Variants in STK32B observed in about 807,000 individuals in gnomAD.
STK32B encodes the protein serine/threonine-protein kinase 32B.
Under a neutral mutation model 52.6 loss-of-function variants are expected in STK32B, and 43 were observed. That is an observed-to-expected ratio of 0.82 (90% CI 0.64 to 1.05). STK32B has a LOEUF of 1.05. Ranked by LOEUF, STK32B falls within the 50% of genes least tolerant of loss-of-function variation. The pLI is 0.00. For synonymous variants in STK32B, 238 were observed against 204.3 expected (o/e 1.17, Z -1.41); for missense variants, 621 against 534.6 (o/e 1.16, Z -1.59).
In STK32B at chr4:5,398,824, T is replaced by C. The variant is rs540704166; in HGVS notation, c.472+580T>C. 1.2e-4 allele frequency among the ~76,000 whole-genome samples: 18 copies of C among 152,360 alleles called. No homozygotes were observed. Among genetic ancestry groups the C allele is most frequent in the Non-Finnish European group, 2.5e-4 (17 of 68,040 alleles). On this transcript the variant is annotated intron_variant, in intron 5 of 11. Coordinates refer to ENST00000282908, the MANE Select transcript of STK32B (RefSeq NM_018401.3). The surrounding 1 kb of genome is among the most constrained non-coding windows in gnomAD (Gnocchi z 4.9). ...GTAAGTCTGAGATGGGACTAGACTCTGCAAAGTCCAGAGTCTGCAAAGCTC... is the reference window on the plus strand; with the variant it reads ...GTAAGTCTGAGATGGGACTAGACTCCGCAAAGTCCAGAGTCTGCAAAGCTC...
chr4:5,430,478 T>C (rs1428367632), intron 6 of STK32B, among the ~76,000 whole-genome samples: 1 of 152,248 alleles, frequency 6.6e-6, no homozygotes, highest in Non-Finnish European at 1.5e-5. Context: ...GCTGTCCGCC[T>C]TTCCACTAAA....
intron 4 of STK32B, among the ~76,000 whole-genome samples, chr4:5,366,802 G>A (rs1734906890): frequency 6.6e-6 from 1 of 152,172 alleles, no homozygotes; most frequent in Non-Finnish European, 1.5e-5. Context: ...AACGATATCA[G>A]TAGTGGCCCT....
intron 3 of STK32B, among the ~76,000 whole-genome samples, chr4:5,243,318 G>A (rs1279355130): frequency 2.0e-5 from 3 of 152,140 alleles, no homozygotes; most frequent in Admixed American, 2.0e-4. Flanking sequence ...GGATTCCTAA[G>A]TATTTTATTC....
chr4:5,363,789 G>C (rs1189154144), intron 4 of STK32B, among the ~76,000 whole-genome samples: 1 of 152,164 alleles, frequency 6.6e-6, no homozygotes, highest in Non-Finnish European at 1.5e-5. Context: ...GGGTTCTGCT[G>C]TGTGAGAGAT....
chr4:5,473,687 A>G (rs1718016764), intron 11 of STK32B, among the ~76,000 whole-genome samples: 1 of 152,202 alleles, frequency 6.6e-6, no homozygotes, highest in Non-Finnish European at 1.5e-5. Flanking sequence ...TTTCAGGTGC[A>G]AGATTATACA....
At chr4:5,466,254 G>A (rs1408264900) in intron 9 of STK32B, among the ~76,000 whole-genome samples, 1 of 152,190 alleles carries the variant, frequency 6.6e-6, no homozygotes. Flanking sequence ...GGGGGCGGGA[G>A]GCGGGGGTAC....
Position 5,159,620 on chromosome 4 carries a change from A to AAT in STK32B, c.109-8672_109-8671dup, listed in dbSNP as rs1450084782. Among the ~76,000 whole-genome samples, 21 of 104,578 alleles carry AAT rather than the reference A, an allele frequency of 2.0e-4. 3 individuals carry two copies. The highest frequency in any genetic ancestry group is 1.3e-3 in the East Asian group (5 of 3,892). 68.6% of individuals were successfully genotyped at this position (104,578 alleles called of 152,430 possible). A position where few individuals can be genotyped will look rare whatever the true frequency, so the allele number is the denominator to read the frequency against. On this transcript the variant is annotated intron_variant, in intron 2 of 11. Coordinates refer to ENST00000282908, the MANE Select transcript of STK32B (RefSeq NM_018401.3). ...ATGAATATATATATGAATATATATG[A>AAT]ATATATATGAATATATATATGAATG...
intron 6 of STK32B, among the ~76,000 whole-genome samples, chr4:5,420,451 G>A (rs1712530033): frequency 6.6e-6 from 1 of 152,174 alleles, no homozygotes; most frequent in Non-Finnish European, 1.5e-5. Context: ...CTGATGGGAT[G>A]GAGAATGGGG....
intron 1 of STK32B, among the ~76,000 whole-genome samples, chr4:5,063,020 A>G (rs1027066102): frequency 6.6e-6 from 1 of 152,076 alleles, no homozygotes; most frequent in African/African-American, 2.4e-5. Flanking sequence ...TACTGCTTCT[A>G]GTTTTTTACT....
intron 3 of STK32B, among the ~76,000 whole-genome samples, chr4:5,253,336 C>G (rs1726070672): frequency 6.6e-6 from 1 of 152,144 alleles, no homozygotes; most frequent in Non-Finnish European, 1.5e-5. Context: ...ACTTTTTCAT[C>G]TGAAATTTCC....
At chr4:5,298,944 CCTGGTCTGTGGGT>C (rs1489776931) in intron 3 of STK32B, among the ~76,000 whole-genome samples, 1 of 152,080 alleles carries the variant, frequency 6.6e-6, no homozygotes, top group African/African-American at 2.4e-5. Context: ...GAGGGAATCT[CCTGGTCTGTGGGT>C]TGGAAAAACT....
chr4:5,079,022 G>A (rs889387570), intron 1 of STK32B, among the ~76,000 whole-genome samples: 10 of 152,152 alleles, frequency 6.6e-5, no homozygotes, highest in South Asian at 2.1e-4. Flanking sequence ...AGAAAAAAGC[G>A]TTCTCATCAC....
rs1736942797 is a variant in STK32B, at chr4:5,396,715, A to G, written c.435-1492A>G. The stretch of plus-strand genomic sequence containing the variant: ...GGTGATACCTTAAGAGATAAGCTTG[A>G]ACATTTGCTGCTGTGTTTTCATTCT... On this transcript the variant is annotated intron_variant, in intron 4 of 11. Coordinates refer to ENST00000282908, the MANE Select transcript of STK32B (RefSeq NM_018401.3). This position sits in a 1 kb window ranked among gnomAD's most constrained non-coding sequence, Gnocchi z 4.7. Among the ~76,000 whole-genome samples, 1 of 152,194 alleles carries G rather than the reference A, an allele frequency of 6.6e-6. No individual in the cohort carries two copies. Among genetic ancestry groups the G allele is most frequent in the Non-Finnish European group, 1.5e-5 (1 of 68,018 alleles).
chr4:5,220,809 C>G (rs1723481836), intron 3 of STK32B, among the ~76,000 whole-genome samples: 1 of 152,122 alleles, frequency 6.6e-6, no homozygotes, highest in African/African-American at 2.4e-5. Flanking sequence ...ATCTCTGTTG[C>G]AGTAATCAAC....
At chr4:5,192,559 A>C (rs1481855391) in intron 3 of STK32B, among the ~76,000 whole-genome samples, 3 of 152,190 alleles carry the variant, frequency 2.0e-5, no homozygotes, top group Non-Finnish European at 4.4e-5. Context: ...ATTATTTTTA[A>C]ATGAAACAAT....
intron 1 of STK32B, among the ~76,000 whole-genome samples, chr4:5,111,075 A>G (rs1714377455): frequency 6.6e-6 from 1 of 152,180 alleles, no homozygotes; most frequent in Non-Finnish European, 1.5e-5. Flanking sequence ...ATCATCTTAC[A>G]TCAGTCAGCA....
intron 3 of STK32B, among the ~76,000 whole-genome samples, chr4:5,285,399 G>A (rs1377019525): frequency 1.3e-5 from 2 of 152,086 alleles, no homozygotes; most frequent in African/African-American, 4.8e-5. Flanking sequence ...CAAAATCTCA[G>A]TTTGAATATT....
the STK32B span, among the ~76,000 whole-genome samples, chr4:5,035,484 T>C: frequency 6.6e-6 from 1 of 152,138 alleles, no homozygotes; most frequent in Non-Finnish European, 1.5e-5. Flanking sequence ...GCCTGGCTCC[T>C]GAATATTTTG....
chr4:5,485,852 C>G (rs576514598), intron 11 of STK32B, among the ~76,000 whole-genome samples: 1 of 152,344 alleles, frequency 6.6e-6, no homozygotes, highest in South Asian at 2.1e-4. Context: ...TGGAGGTCCA[C>G]TCCAGACCCT....
Sources: gnomAD v4.1 joint callset for allele counts (sites outside exome capture counted in the v4.1 genomes callset) on GRCh38, gnomAD v4.1.1 for gene constraint, Gnocchi (gnomAD v3.1) non-coding constraint, MANE v1.5 for transcripts, NCBI Gene and HGNC (gene_info 2026-07-23, HGNC 2026-07-21) for gene names.